The following ATP13A4 variants were observed in gnomAD, a reference collection of about 807,000 sequenced individuals.
ATP13A4 encodes probable cation-transporting ATPase 13A4.
Under a neutral mutation model 142.5 loss-of-function variants are expected in ATP13A4, and 114 were observed. The observed-to-expected ratio is 0.80, with a 90% CI of 0.69 to 0.93. The LOEUF (loss-of-function observed/expected upper bound fraction) is 0.93. Among genes scored for constraint, ATP13A4 ranks in the 40% least tolerant of loss-of-function variants. The probability of loss-of-function intolerance (pLI) is 0.00; values close to 1 mark genes in which losing one functional copy is unlikely to be tolerated. For missense variants in ATP13A4, 1,392 were observed against 1,454.0 expected (o/e 0.96, Z 0.69); for synonymous variants, 488 against 514.8 (o/e 0.95, Z 0.70).
chr3:193,411,485 G>A (rs1360642953), intron 27 of ATP13A4, among the ~76,000 whole-genome samples: 1 of 152,180 alleles, frequency 6.6e-6, no homozygotes. Context: ...GTATTTAGCT[G>A]CTTCCTCATC....
chr3:193,399,890 T>G lies in ATP13A4; in HGVS notation c.*2762A>C, dbSNP rs66997084. ...AAAGGTTCACATCACAGCATAAGAC[T>G]GAGACACTGGGTGTATCAAGCTTGA... On this transcript the variant is annotated 3_prime_UTR_variant, in exon 30 of 30. Transcript: ENST00000342695. Among the ~76,000 whole-genome samples, 12,278 of 145,968 alleles carry G rather than the reference T, an allele frequency of 0.084. 575 individuals are homozygous for G. The highest frequency in any genetic ancestry group is 0.1 in the Middle Eastern group (28 of 270).
intron 8 of ATP13A4, among the ~76,000 whole-genome samples, chr3:193,478,020 G>T (rs1392014175): frequency 6.6e-6 from 1 of 151,912 alleles, no homozygotes; most frequent in African/African-American, 2.4e-5. Flanking sequence ...CACTGCCAAA[G>T]AAATAAAAAA....
chr3:193,504,514 A>G (rs1720752208), intron 2 of ATP13A4, among the ~76,000 whole-genome samples: 1 of 152,138 alleles, frequency 6.6e-6, no homozygotes, highest in South Asian at 2.1e-4. Flanking sequence ...ACAGTTAATT[A>G]TTCTCCCATT....
chr3:193,545,972 A>AG, intron 1 of ATP13A4, among the ~76,000 whole-genome samples: 1 of 114,280 alleles, frequency 8.8e-6, no homozygotes, highest in Admixed American at 1.0e-4. Context: ...AAATGTTTAA[A>AG]TTGTGTGTGT....
At chr3:193,451,824 G>A (rs1344597834) in intron 17 of ATP13A4, among the ~76,000 whole-genome samples, 1 of 152,144 alleles carries the variant, frequency 6.6e-6, no homozygotes, top group Non-Finnish European at 1.5e-5. Context: ...ACAACAGCAA[G>A]AATGTTCCAT....
chr3:193,482,482 T>C (rs2108657452), intron 8 of ATP13A4, among the ~76,000 whole-genome samples: 1 of 152,238 alleles, frequency 6.6e-6, no homozygotes, highest in South Asian at 2.1e-4. Context: ...GGAAGGTAAG[T>C]CATAGACTGA....
chr3:193,450,376 G>C (rs535460075), intron 17 of ATP13A4, among the ~76,000 whole-genome samples: 1 of 152,178 alleles, frequency 6.6e-6, no homozygotes, highest in African/African-American at 2.4e-5. Flanking sequence ...ACCATTTTTT[G>C]CCAGGTAATC....
intron 1 of ATP13A4, among the ~76,000 whole-genome samples, chr3:193,546,592 G>T (rs1357504795): frequency 1.3e-5 from 2 of 152,200 alleles, no homozygotes; most frequent in African/African-American, 4.8e-5. Context: ...CTGCATGGTT[G>T]TAAGAATAAA....
intron 25 of ATP13A4, among the ~76,000 whole-genome samples, chr3:193,424,822 T>C (rs1176725769): frequency 6.7e-6 from 1 of 149,012 alleles, no homozygotes; most frequent in Admixed American, 7.0e-5. Flanking sequence ...AATAGACAAA[T>C]GGGGATTACA....
intron 2 of ATP13A4, among the ~76,000 whole-genome samples, chr3:193,566,499 T>C (rs759445507): frequency 2.6e-5 from 4 of 152,144 alleles, no homozygotes; most frequent in Non-Finnish European, 5.9e-5. Flanking sequence ...CTGGGGCCTC[T>C]CAACCCCTGG....
chr3:193,550,440 G>A (rs1011929185), intron 1 of ATP13A4, among the ~76,000 whole-genome samples: 2 of 151,718 alleles, frequency 1.3e-5, no homozygotes, highest in Non-Finnish European at 2.9e-5. Context: ...TCAAGTAGCT[G>A]GGACTACAGG....
At chr3:193,456,963 C>T (rs1158305232) in intron 16 of ATP13A4, 37 bp downstream of exon 16, 1 of 1,587,072 alleles carries the variant, frequency 6.3e-7, no homozygotes, top group Non-Finnish European at 8.6e-7. Context: ...TCTGGAGATA[C>T]AGATTTGCCA....
chr3:193,442,448 G>A lies in ATP13A4; in HGVS notation c.2261C>T (p.Ala754Val). ...EANETTGSSS[A>V]SISWTLVEEK... Reference sequence around the variant, plus strand: ...TTCTACTAACGTCCAAGATATAGATGCTGATGAGGACCCGGTGGTTTCATT... The same window carrying A: ...TTCTACTAACGTCCAAGATATAGATACTGATGAGGACCCGGTGGTTTCATT... Residue 754 changes from alanine (A) to valine (V), a missense_variant, in exon 19 of 30, where the codon GCA becomes GTA. Physicochemically the swap from Ala to Val is moderately conservative, Grantham distance 64. Transcript: ENST00000342695. 6.2e-7 allele frequency: 1 copy of A among 1,614,058 alleles called. No individual in the cohort carries two copies.
chr3:193,444,378 A>T (rs1716822886), intron 18 of ATP13A4, among the ~76,000 whole-genome samples: 1 of 152,214 alleles, frequency 6.6e-6, no homozygotes, highest in Non-Finnish European at 1.5e-5. Context: ...ACTTTATCAG[A>T]TGAATGAAAA....
intron 2 of ATP13A4, 33 bp downstream of exon 2, chr3:193,514,665 G>T (rs375587884): frequency 1.2e-6 from 2 of 1,613,522 alleles, no homozygotes; most frequent in African/African-American, 2.7e-5. Flanking sequence ...AACAAAAGGG[G>T]GGCACCAGCG....
intron 1 of ATP13A4, among the ~76,000 whole-genome samples, chr3:193,526,779 G>A (rs574061893): frequency 6.6e-6 from 1 of 152,306 alleles, no homozygotes; most frequent in African/African-American, 2.4e-5. Flanking sequence ...GATTATCTCT[G>A]GGTGGGGAGA....
intron 2 of ATP13A4, among the ~76,000 whole-genome samples, chr3:193,574,577 G>GCT (rs1162802720): frequency 9.3e-6 from 1 of 107,554 alleles, no homozygotes; most frequent in African/African-American, 4.4e-5. Context: ...AAATCAGGTG[G>GCT]GTGTGGCATG....
chr3:193,592,198 G>T (rs938709459), intron 1 of ATP13A4, among the ~76,000 whole-genome samples: 23 of 151,930 alleles, frequency 1.5e-4, no homozygotes, highest in African/African-American at 5.6e-4. Context: ...GGATGCACAG[G>T]ACCCTTTTAT....
At chr3:193,436,356 T>C (rs532470409) in intron 23 of ATP13A4, among the ~76,000 whole-genome samples, 1 of 152,308 alleles carries the variant, frequency 6.6e-6, no homozygotes, top group African/African-American at 2.4e-5. Flanking sequence ...ATAGTACACA[T>C]TTAAAGCATG....
Sources: allele counts gnomAD v4.1 joint callset (sites outside exome capture counted in the v4.1 genomes callset), GRCh38; gene constraint gnomAD v4.1.1; transcripts MANE v1.5; gene names NCBI Gene and HGNC (gene_info 2026-07-23, HGNC 2026-07-21).